SH3GL2: variants seen among roughly 807,000 people sequenced by gnomAD.
SH3GL2 encodes SH3 domain containing GRB2 like 2, endophilin A1.
SH3GL2 carries 24 observed loss-of-function variants against 46.0 expected under a neutral mutation model. The ratio of observed to expected loss-of-function variants is 0.52; its 90% CI spans 0.38 to 0.73. The LOEUF (loss-of-function observed/expected upper bound fraction) is 0.73. Among genes scored for constraint, SH3GL2 ranks in the 30% least tolerant of loss-of-function variants. The pLI, the probability that SH3GL2 is intolerant of heterozygous loss-of-function variation, is 0.00. For missense variants in SH3GL2, 413 were observed against 424.2 expected, an observed-to-expected ratio of 0.97 and a Z score of 0.23; for synonymous variants, 196 against 147.1, an observed-to-expected ratio of 1.33 and a Z score of -2.40.
At chr9:17,597,968 C>A (rs1361208602) in intron 1 of SH3GL2, among the ~76,000 whole-genome samples, 1 of 152,140 alleles carries the variant, frequency 6.6e-6, no homozygotes. Flanking sequence ...AATACTCATT[C>A]CCTGCCCCCG....
chr9:17,744,959 C>T (rs993071582), intron 1 of SH3GL2, among the ~76,000 whole-genome samples: 1 of 152,150 alleles, frequency 6.6e-6, no homozygotes, highest in African/African-American at 2.4e-5. Context: ...TCTAATGGAA[C>T]TTCAGACGGA....
chr9:17,615,271 T>G (rs1243005121), intron 1 of SH3GL2, among the ~76,000 whole-genome samples: 1 of 152,186 alleles, frequency 6.6e-6, no homozygotes, highest in African/African-American at 2.4e-5. Flanking sequence ...CTCAGATAAA[T>G]CCATATGATA....
rs1820238832 is a variant in SH3GL2 at position 17,662,278 on chromosome 9, T to A, written c.45+82991T>A. Among the ~76,000 whole-genome samples the A allele has an allele frequency of 2.0e-5, 3 of 152,310 alleles. No individual in the cohort carries two copies. In the South Asian group the frequency reaches 6.2e-4, roughly 32 times the overall value. On this transcript the variant is annotated intron_variant, in intron 1 of 8. Coordinates refer to ENST00000380607, the MANE Select transcript of SH3GL2 (RefSeq NM_003026.5). ...GAGATGAGTTTTTACCATTAATTTTTAAAAATGTACATCTGTGTCTGGCCT... is the reference window on the plus strand; with the variant it reads ...GAGATGAGTTTTTACCATTAATTTTAAAAAATGTACATCTGTGTCTGGCCT...
intron 2 of SH3GL2, among the ~76,000 whole-genome samples, chr9:17,758,863 C>G (rs1263581433): frequency 6.6e-6 from 1 of 152,060 alleles, no homozygotes; most frequent in Non-Finnish European, 1.5e-5. Context: ...GTGGGATGAG[C>G]TCTTTCTTTA....
At chr9:17,749,592 T>G (rs1273183472) in intron 2 of SH3GL2, among the ~76,000 whole-genome samples, 3 of 152,214 alleles carry the variant, frequency 2.0e-5, no homozygotes, top group African/African-American at 7.2e-5. Context: ...CTGCCAGGAC[T>G]AAAGGGAATA....
At chr9:17,684,246 C>CA (rs1200249354) in intron 1 of SH3GL2, among the ~76,000 whole-genome samples, 1 of 151,676 alleles carries the variant, frequency 6.6e-6, no homozygotes, top group Non-Finnish European at 1.5e-5. Flanking sequence ...GGTGAGATTA[C>CA]AAAAAAGAGT....
chr9:17,787,143 T>G (rs1823981816), intron 4 of SH3GL2, among the ~76,000 whole-genome samples: 2 of 152,244 alleles, frequency 1.3e-5, no homozygotes, highest in African/African-American at 4.8e-5. Flanking sequence ...GCAGGGAGCT[T>G]CCTAAATTGC....
intron 1 of SH3GL2, among the ~76,000 whole-genome samples, chr9:17,716,979 A>C (rs967323383): frequency 6.6e-6 from 1 of 152,152 alleles, no homozygotes; most frequent in African/African-American, 2.4e-5. Context: ...TTCAGGCAGG[A>C]GGTTAAACCT....
chr9:17,740,465 AGTATT>A (rs137877310), intron 1 of SH3GL2, among the ~76,000 whole-genome samples: 23,702 of 151,200 alleles, frequency 0.16, 2,115 homozygotes, highest in Admixed American at 0.25. Flanking sequence ...TATGTCATCA[AGTATT>A]GTATTGTATT....
intron 3 of SH3GL2, among the ~76,000 whole-genome samples, chr9:17,773,812 G>A (rs942603661): frequency 6.6e-6 from 1 of 151,964 alleles, no homozygotes; most frequent in Non-Finnish European, 1.5e-5. Flanking sequence ...ATTTTAGGGT[G>A]GGATTTCCAT....
intron 1 of SH3GL2, among the ~76,000 whole-genome samples, chr9:17,660,643 C>G (rs893018558): frequency 1.3e-5 from 2 of 152,242 alleles, no homozygotes; most frequent in East Asian, 3.9e-4. Flanking sequence ...TGTATGATCT[C>G]AGAAAATCAC....
rs1051692413 is a variant in SH3GL2, at chr9:17,690,784, A to G, written c.46-56282A>G. Among the ~76,000 whole-genome samples, 6 of 152,198 alleles carry G rather than the reference A, an allele frequency of 3.9e-5. No homozygotes were observed. In the East Asian group the frequency reaches 1.2e-3, roughly 30 times the overall value. On this transcript the variant is annotated intron_variant, in intron 1 of 8. Transcript: ENST00000380607. ...ATAAAATACAAAGGCTGAAGAACTC[A>G]TAGTGGAAACACATGGTCTCCATAT... is the stretch of plus-strand genomic sequence containing the variant.
intron 1 of SH3GL2, among the ~76,000 whole-genome samples, chr9:17,729,639 A>T (rs561389247): frequency 6.6e-6 from 1 of 152,204 alleles, no homozygotes; most frequent in Admixed American, 6.5e-5. Flanking sequence ...ATTTTTGTAT[A>T]AGGTGTAAGG....
chr9:17,789,696 G>A (rs1462362100), intron 6 of SH3GL2, 146 bp downstream of exon 6: 1 of 1,397,858 alleles, frequency 7.2e-7, no homozygotes. Flanking sequence ...TTAAATAATT[G>A]TCAGTCATAA....
In SH3GL2 at chr9:17,704,394, C is replaced by G. The variant is rs564271214; in HGVS notation, c.46-42672C>G. ...AGCAATTTACAGATTTAATGCCATT[C>G]CTATCAAATTACCAATGACATTCTT... On this transcript the variant is annotated intron_variant, in intron 1 of 8. Transcript: ENST00000380607. 3.1e-3 allele frequency among the ~76,000 whole-genome samples: 469 copies of G among 151,996 alleles called. 2 individuals carry two copies. Among genetic ancestry groups the G allele is most frequent in the Non-Finnish European group, 3.4e-3 (232 of 67,980 alleles).
chr9:17,771,873 C>G (rs1283843544), intron 3 of SH3GL2, among the ~76,000 whole-genome samples: 9 of 150,738 alleles, frequency 6.0e-5, no homozygotes, highest in Admixed American at 5.9e-4. Flanking sequence ...CGATCCAGTG[C>G]TAGGGTTGTC....
chr9:17,706,776 A>G (rs562151533), intron 1 of SH3GL2, among the ~76,000 whole-genome samples: 11 of 152,062 alleles, frequency 7.2e-5, no homozygotes, highest in African/African-American at 2.6e-4. Flanking sequence ...TATTCCTGAT[A>G]TCTAAGACTA....
At position 17,644,966 on chromosome 9, in the gene SH3GL2, T is replaced by G. The variant is rs116529050; in HGVS notation, c.45+65679T>G. On this transcript the variant is annotated intron_variant, in intron 1 of 8. Coordinates refer to ENST00000380607, the MANE Select transcript of SH3GL2 (RefSeq NM_003026.5). ...TTATTGTGTGGGAGCCTAAGTTTCT[T>G]TGTAGGTCTCTAAGAAGTTGCTTTA... Among the ~76,000 whole-genome samples the G allele has an allele frequency of 4.9e-3, 735 of 151,190 alleles. 9 individuals are homozygous for G. Among genetic ancestry groups the G allele is most frequent in the African/African-American group, 0.017 (710 of 41,276 alleles).
chr9:17,622,986 G>GTTTCCTTTCGTTTCCTTTCCTTTCC (rs1819181866), intron 1 of SH3GL2, among the ~76,000 whole-genome samples: 6 of 99,340 alleles, frequency 6.0e-5, no homozygotes, highest in East Asian at 2.7e-4. Context: ...GTTTCCTTTC[G>GTTTCCTTTCGTTTCCTTTCCTTTCC]TTTCCTTTCC....
Sources: gnomAD v4.1 joint callset for allele counts (sites outside exome capture counted in the v4.1 genomes callset) on GRCh38, gnomAD v4.1.1 for gene constraint, MANE v1.5 for transcripts, NCBI Gene and HGNC (gene_info 2026-07-23, HGNC 2026-07-21) for gene names.